The following SLC26A8 variants were observed in gnomAD, a reference collection of about 807,000 sequenced individuals.
The protein encoded by SLC26A8 is testis anion transporter 1.
In SLC26A8, 70 loss-of-function variants were observed where a neutral mutation model predicts 105.0. The observed-to-expected ratio is 0.67, with a 90% CI of 0.55 to 0.81. The LOEUF (loss-of-function observed/expected upper bound fraction) is 0.81, where lower values mean the gene tolerates loss of function less well. Ranked by LOEUF, SLC26A8 falls within the 40% of genes least tolerant of loss-of-function variation. The pLI is 0.00. For missense variants in SLC26A8, 998 were observed against 1,181.8 expected (o/e 0.84, Z 2.28); for synonymous variants, 415 against 438.3 (o/e 0.95, Z 0.66).
intron 7 of SLC26A8, among the ~76,000 whole-genome samples, chr6:35,984,322 T>A (rs1253155099): frequency 2.0e-5 from 1 of 49,340 alleles, no homozygotes; most frequent in African/African-American, 4.9e-5. Context: ...TCTTCTTATT[T>A]TTTTTTTTTT....
At chr6:35,958,403 G>A (rs201334939) in intron 16 of SLC26A8, among the ~76,000 whole-genome samples, 26 of 152,098 alleles carry the variant, frequency 1.7e-4, no homozygotes, top group Non-Finnish European at 3.4e-4. Flanking sequence ...GGGGCTGTTA[G>A]AATCTAAACA....
intron 17 of SLC26A8, among the ~76,000 whole-genome samples, chr6:35,953,340 T>C (rs1771944636): frequency 6.6e-6 from 1 of 151,988 alleles, no homozygotes; most frequent in African/African-American, 2.4e-5. Flanking sequence ...GGCACAACTA[T>C]ACCATGGAAC....
In SLC26A8 at chr6:35,959,057, C is replaced by G. The variant is rs573066341; in HGVS notation, c.1863+403G>C. ...CCTGGCAGATCCTTGAGAAGCCCAG[C>G]AACCTTGACCTTGCCCTAGTTGGAA... On this transcript the variant is annotated intron_variant, in intron 16 of 19. Transcript: ENST00000490799. 2.0e-5 allele frequency among the ~76,000 whole-genome samples: 3 copies of G among 152,322 alleles called. No homozygotes were observed. In the East Asian group the frequency reaches 5.8e-4, roughly 29 times the overall value.
intron 12 of SLC26A8, 120 bp downstream of exon 12, chr6:35,962,406 A>T: frequency 1.3e-6 from 1 of 780,522 alleles, no homozygotes; most frequent in Non-Finnish European, 2.1e-6. Context: ...CTGGAGTACT[A>T]GGCATCAAAG....
At chr6:35,985,718 AAAAG>A (rs1773489145) in intron 7 of SLC26A8, among the ~76,000 whole-genome samples, 1 of 149,150 alleles carries the variant, frequency 6.7e-6, no homozygotes, top group African/African-American at 2.5e-5. Context: ...AAAAAAAAAA[AAAAG>A]AGGGCTGCTG....
At chr6:35,982,857 T>C (rs1170441725) in intron 7 of SLC26A8, among the ~76,000 whole-genome samples, 1 of 152,214 alleles carries the variant, frequency 6.6e-6, no homozygotes, top group Non-Finnish European at 1.5e-5. Context: ...AAAAGTTCTG[T>C]AGCAAAGCAA....
chr6:35,976,673 T>C (rs1773047665), intron 9 of SLC26A8, among the ~76,000 whole-genome samples: 1 of 150,932 alleles, frequency 6.6e-6, no homozygotes, highest in Admixed American at 6.6e-5. Context: ...CCCGAGTAGC[T>C]GGGAGCACAG....
chr6:35,987,416 G>A (rs371558389), intron 7 of SLC26A8, among the ~76,000 whole-genome samples: 1 of 152,058 alleles, frequency 6.6e-6, no homozygotes, highest in South Asian at 2.1e-4. Flanking sequence ...CTGTCTCCCA[G>A]GCTGGAGTGC....
At chr6:35,998,605 A>C (rs1581682354) in intron 4 of SLC26A8, among the ~76,000 whole-genome samples, 1 of 151,974 alleles carries the variant, frequency 6.6e-6, no homozygotes, top group East Asian at 1.9e-4. Context: ...AATCAATAAC[A>C]ATAGGAAGAA....
At chr6:35,988,736 T>A (rs2127344992) in intron 7 of SLC26A8, among the ~76,000 whole-genome samples, 1 of 152,220 alleles carries the variant, frequency 6.6e-6, no homozygotes, top group East Asian at 1.9e-4. Context: ...AAAAAACATT[T>A]AACATCTCAT....
At chr6:35,967,867 A>T (rs1001219907) in intron 11 of SLC26A8, among the ~76,000 whole-genome samples, 6 of 152,050 alleles carry the variant, frequency 3.9e-5, no homozygotes, top group African/African-American at 1.4e-4. Context: ...TTATTTATTT[A>T]TTTTTTGAAA....
At chr6:35,991,036 A>C (rs1761131065) in intron 7 of SLC26A8, among the ~76,000 whole-genome samples, 1 of 152,196 alleles carries the variant, frequency 6.6e-6, no homozygotes. Flanking sequence ...AATTGCTAAG[A>C]GAGTAGATCT....
At chr6:35,985,121 C>T (rs989937983) in intron 7 of SLC26A8, among the ~76,000 whole-genome samples, 1 of 152,102 alleles carries the variant, frequency 6.6e-6, no homozygotes, top group African/African-American at 2.4e-5. Flanking sequence ...TTTAAATCTG[C>T]CTATGATATG....
At chr6:36,021,235 T>A (rs851031) in intron 1 of SLC26A8, among the ~76,000 whole-genome samples, 1 of 151,386 alleles carries the variant, frequency 6.6e-6, no homozygotes, top group African/African-American at 2.4e-5. Flanking sequence ...GGGAGAGGTA[T>A]TTTACAATAT....
intron 11 of SLC26A8, among the ~76,000 whole-genome samples, chr6:35,965,180 C>A (rs1163249097): frequency 6.6e-6 from 1 of 151,968 alleles, no homozygotes; most frequent in Non-Finnish European, 1.5e-5. Context: ...GGATAGATGC[C>A]AAAATGTGAA....
Position 35,943,955 on chromosome 6 carries a change from C to G in SLC26A8, c.2858G>C (p.Arg953Thr), listed in dbSNP as rs1771570104. 2 of 1,614,182 alleles carry G rather than the reference C, an allele frequency of 1.2e-6. No homozygotes were observed. The highest frequency in any genetic ancestry group is 1.7e-6 in the Non-Finnish European group (2 of 1,180,044). The part of the protein sequence containing the change: ...TQTRTWSVER[R>T]RHPMDSYSPE... ...TGAGTATGAATCCATAGGATGGCGT[C>G]TCCTCTCCACTGACCATGTCCGAGT... The change falls in exon 20 of 20, where the codon AGA becomes ACA. Residue 953 changes from arginine to threonine, a missense_variant. By Grantham distance (71) the Arg-to-Thr change is moderately conservative. Coordinates refer to ENST00000490799, the MANE Select transcript of SLC26A8 (RefSeq NM_052961.4).
chr6:35,985,692 CAAAAA>C (rs58199602), intron 7 of SLC26A8, among the ~76,000 whole-genome samples: 3 of 46,916 alleles, frequency 6.4e-5, no homozygotes, highest in South Asian at 8.3e-4. Flanking sequence ...GACTCCGTCT[CAAAAA>C]AAAAAAAAAA....
chr6:35,990,092 C>T (rs1241948173), intron 7 of SLC26A8, among the ~76,000 whole-genome samples: 4 of 151,660 alleles, frequency 2.6e-5, no homozygotes, highest in Admixed American at 6.6e-5. Flanking sequence ...CACATGCCAC[C>T]GCACCCGGCT....
chr6:35,991,786 G>A lies in SLC26A8; in HGVS notation c.815C>T (p.Ala272Val). The A allele has an allele frequency of 6.3e-7, 1 of 1,597,154 alleles. No individual in the cohort carries two copies. The highest frequency in any genetic ancestry group is 8.5e-7 in the Non-Finnish European group (1 of 1,174,346). ...GCTGGTGGAATTCGCTTTTGGGAGA[G>A]CTACACAGTAATTAATTATGTCCTG... ...FFYDIINYCV[A>V]LPKANSTSIL... Residue 272 changes from alanine to valine, a missense_variant, in exon 7 of 20, where the codon GCT becomes GTT. Ala to Val is a moderately conservative substitution (Grantham distance 64, BLOSUM62 0). Transcript: ENST00000490799.
Sources: gnomAD v4.1 joint callset for allele counts (sites outside exome capture counted in the v4.1 genomes callset) on GRCh38, gnomAD v4.1.1 for gene constraint, MANE v1.5 for transcripts, NCBI Gene and HGNC (gene_info 2026-07-23, HGNC 2026-07-21) for gene names.